ZFHX4: variants seen among roughly 807,000 people sequenced by gnomAD.
ZFHX4 encodes zinc finger homeobox 4.
ZFHX4 carries 56 observed loss-of-function variants against 267.6 expected under a neutral mutation model. The observed-to-expected ratio is 0.21, with a 90% confidence interval of 0.17 to 0.26. The LOEUF (loss-of-function observed/expected upper bound fraction) is 0.26, where lower values mean the gene tolerates loss of function less well. ZFHX4 is among the 10% of genes least tolerant of loss of function. ZFHX4 has a pLI of 1.00. For synonymous variants in ZFHX4, 1,778 were observed against 1,665.6 expected (o/e 1.07, Z -1.64); for missense variants, 4,332 against 4,420.0 (o/e 0.98, Z 0.56).
chr8:76,783,496 C>T (rs7007731), intron 4 of ZFHX4, among the ~76,000 whole-genome samples: 41,575 of 151,610 alleles, frequency 0.27, 7,676 homozygotes, highest in African/African-American at 0.51. Context: ...TAAAAAAGTA[C>T]ATATTGATTT....
chr8:76,763,282 CT>C (rs1422114827), intron 3 of ZFHX4, among the ~76,000 whole-genome samples: 5 of 152,092 alleles, frequency 3.3e-5, no homozygotes, highest in African/African-American at 1.2e-4. Flanking sequence ...CGATAAGGAC[CT>C]TAGATGAAAA....
chr8:76,825,852 C>T (rs1232687336), intron 4 of ZFHX4, among the ~76,000 whole-genome samples: 2 of 152,292 alleles, frequency 1.3e-5, no homozygotes, highest in African/African-American at 4.8e-5. Flanking sequence ...AGGGAGGCAC[C>T]TATCATCACA....
At chr8:76,806,832 C>T (rs1198211257) in intron 4 of ZFHX4, among the ~76,000 whole-genome samples, 26 of 151,982 alleles carry the variant, frequency 1.7e-4, no homozygotes, top group East Asian at 1.9e-4. Flanking sequence ...ATAAAGATGC[C>T]TTTTTCACCT....
chr8:76,789,875 G>A (rs1159729125), intron 4 of ZFHX4, among the ~76,000 whole-genome samples: 10 of 152,074 alleles, frequency 6.6e-5, no homozygotes, highest in Non-Finnish European at 1.0e-4. Context: ...ATGAATGCAC[G>A]ACAGAATCTT....
chr8:76,842,177 G>T (rs532587374), intron 5 of ZFHX4, among the ~76,000 whole-genome samples: 51 of 152,188 alleles, frequency 3.4e-4, no homozygotes, highest in African/African-American at 1.1e-3. Context: ...AAATGCCAAA[G>T]AATTCCTTTG....
chr8:76,725,430 G>C (rs1342580776), intron 3 of ZFHX4, among the ~76,000 whole-genome samples: 1 of 152,064 alleles, frequency 6.6e-6, no homozygotes. Flanking sequence ...TAAAATGCTT[G>C]TGCCAAACTG....
rs2131989654 is a variant in ZFHX4 at position 76,865,912 on chromosome 8, T to A, written c.*1347T>A. The A allele has an allele frequency of 6.5e-6, 1 of 152,758 alleles. No individual in the cohort carries two copies. The highest frequency in any genetic ancestry group is 2.4e-5 in the African/African-American group (1 of 41,580). 9.5% of individuals were successfully genotyped at this position (152,758 alleles called of 1,614,324 possible). Reference sequence around the variant, plus strand: ...TATCATATATGCATTAAAAGTATTATCTTTATCAACATTTGCTGCTACTGT... The same window carrying A: ...TATCATATATGCATTAAAAGTATTAACTTTATCAACATTTGCTGCTACTGT... On this transcript the variant is annotated 3_prime_UTR_variant, in exon 11 of 11. Transcript: ENST00000651372.
chr8:76,752,200 A>G (rs938715112), intron 3 of ZFHX4, among the ~76,000 whole-genome samples: 2 of 152,166 alleles, frequency 1.3e-5, no homozygotes, highest in Non-Finnish European at 2.9e-5. Context: ...ATGGTATTTC[A>G]ATGGTGTAAT....
chr8:76,722,702 A>G (rs1808755304), intron 3 of ZFHX4, among the ~76,000 whole-genome samples: 1 of 151,844 alleles, frequency 6.6e-6, no homozygotes, highest in Non-Finnish European at 1.5e-5. Context: ...ATTGAGGTGC[A>G]AAAATAGCTT....
At chr8:76,850,836 G>A (rs1812494201) in intron 9 of ZFHX4, 50 bp from the exon 10 acceptor site, 1 of 1,434,928 alleles carries the variant, frequency 7.0e-7, no homozygotes, top group Non-Finnish European at 9.2e-7. Flanking sequence ...TAATATTTAA[G>A]GAGTAGGTTT....
chr8:76,692,889 A>G (rs1450891113), intron 1 of ZFHX4, among the ~76,000 whole-genome samples: 2 of 152,196 alleles, frequency 1.3e-5, no homozygotes, highest in Admixed American at 1.3e-4. Flanking sequence ...TAAAAATAAA[A>G]GTGTGTGCAT....
intron 1 of ZFHX4, among the ~76,000 whole-genome samples, chr8:76,685,592 T>C (rs943867810): frequency 6.6e-6 from 1 of 152,240 alleles, no homozygotes; most frequent in African/African-American, 2.4e-5. Flanking sequence ...TTTAAAAATA[T>C]TATGTTAATC....
At position 76,852,434 on chromosome 8, in the gene ZFHX4, A is replaced by C. The variant is rs1225629289; in HGVS notation, c.5513A>C (p.Gln1838Pro). ...QQASKLLKQEQSNIVSADCQI... is the reference protein window; with the variant it reads ...QQASKLLKQEPSNIVSADCQI... ...GCAAGCAAATTATTGAAACAAGAGCAAAGTAACATAGTGAGTGCAGACTGC... is the reference window on the plus strand; with the variant it reads ...GCAAGCAAATTATTGAAACAAGAGCCAAGTAACATAGTGAGTGCAGACTGC... Residue 1838 changes from glutamine to proline, a missense_variant, in exon 10 of 11, where the codon CAA becomes CCA. Coordinates refer to ENST00000651372, the MANE Select transcript of ZFHX4 (RefSeq NM_024721.5). The C allele has an allele frequency of 3.2e-6, 5 of 1,560,506 alleles. No homozygotes were observed. The highest frequency in any genetic ancestry group is 2.7e-5 in the African/African-American group (2 of 73,392).
rs181701439 is a variant in ZFHX4 at position 76,866,341 on chromosome 8, C to T, written c.*1776C>T. 7.9e-5 allele frequency: 12 copies of T among 152,564 alleles called. 1 individual carries two copies. The highest frequency in any genetic ancestry group is 3.4e-3 in the Middle Eastern group (1 of 294). The allele number at this position is 152,564 out of a possible 1,614,324, so 9.5% of individuals were successfully genotyped here. ...TCATGCTTCAAACTGTTTTAATGAT[C>T]AAATCAAGACACATTTCATTTTACA... On this transcript the variant is annotated 3_prime_UTR_variant, in exon 11 of 11. Transcript: ENST00000651372.
chr8:76,709,434 C>T (rs114921534), intron 3 of ZFHX4, among the ~76,000 whole-genome samples: 7 of 152,088 alleles, frequency 4.6e-5, no homozygotes, highest in Non-Finnish European at 1.0e-4. Flanking sequence ...TATTATAATT[C>T]ATAGGTTTTG....
chr8:76,788,724 A>G (rs1810759508), intron 4 of ZFHX4, among the ~76,000 whole-genome samples: 1 of 152,202 alleles, frequency 6.6e-6, no homozygotes, highest in Non-Finnish European at 1.5e-5. Context: ...AGATCTATAC[A>G]ATATCAAACC....
At chr8:76,836,120 T>A (rs1442199371) in intron 5 of ZFHX4, among the ~76,000 whole-genome samples, 1 of 152,194 alleles carries the variant, frequency 6.6e-6, no homozygotes, top group Non-Finnish European at 1.5e-5. Context: ...GGAGCATATA[T>A]TGTGAATAAG....
chr8:76,747,807 C>T (rs1809501187), intron 3 of ZFHX4, among the ~76,000 whole-genome samples: 1 of 152,010 alleles, frequency 6.6e-6, no homozygotes, highest in Non-Finnish European at 1.5e-5. Flanking sequence ...TGGCAAGCAC[C>T]TGTAAACCCA....
At chr8:76,821,363 T>G (rs2131864979) in intron 4 of ZFHX4, among the ~76,000 whole-genome samples, 1 of 152,262 alleles carries the variant, frequency 6.6e-6, no homozygotes, top group Admixed American at 6.5e-5. Context: ...TTTTCCTTTC[T>G]ACCCACGTTC....
Sources: gnomAD v4.1 joint callset for allele counts (sites outside exome capture counted in the v4.1 genomes callset) on GRCh38, gnomAD v4.1.1 for gene constraint, MANE v1.5 for transcripts, NCBI Gene and HGNC (gene_info 2026-07-23, HGNC 2026-07-21) for gene names.